The following UGT1A9 variants were observed in gnomAD, a reference collection of about 807,000 sequenced individuals.
The protein encoded by UGT1A9 is UDP glucuronosyltransferase family 1 member A9, also known as UDP-glucuronosyltransferase 1A9.
Under a neutral mutation model 45.0 loss-of-function variants are expected in UGT1A9, and 35 were observed. That is an observed-to-expected ratio of 0.78 (90% CI 0.59 to 1.03). UGT1A9 has a LOEUF of 1.03. Among genes scored for constraint, UGT1A9 ranks in the 50% least tolerant of loss-of-function variants. UGT1A9 has a pLI of 0.00. For missense variants in UGT1A9, 687 were observed against 666.6 expected (o/e 1.03, Z -0.34); for synonymous variants, 278 against 250.6 (o/e 1.11, Z -1.03).
intron 1 of UGT1A9, chr2:233,718,637 T>C (rs2125661399): frequency 6.9e-7 from 1 of 1,451,650 alleles, no homozygotes; most frequent in Non-Finnish European, 9.3e-7. Context: ...TTTCCCAGGG[T>C]TGGGCCCATA....
At chr2:233,690,775 A>G in intron 1 of UGT1A9, 2 of 1,056,268 alleles carry the variant, frequency 1.9e-6, no homozygotes, top group South Asian at 3.6e-5. Context: ...ACACACACAC[A>G]TACACACACA....
At chr2:233,766,983 C>T (rs1040066735) in intron 1 of UGT1A9, 51 bp from the exon 2 acceptor site, 20 of 1,612,672 alleles carry the variant, frequency 1.2e-5, no homozygotes, top group Non-Finnish European at 1.7e-5. Flanking sequence ...TGTATGTAGT[C>T]ATCAAAGAAT....
chr2:233,744,546 A>G (rs6741669), intron 1 of UGT1A9, among the ~76,000 whole-genome samples: 82,767 of 151,282 alleles, frequency 0.55, 24,843 homozygotes, highest in African/African-American at 0.8. Flanking sequence ...AAATTTTATT[A>G]AGACAAAATG....
intron 1 of UGT1A9, chr2:233,693,295 T>A (rs149122547): frequency 1.1e-4 from 175 of 1,614,020 alleles, no homozygotes; most frequent in Non-Finnish European, 1.4e-4. Context: ...TTGGAAACAA[T>A]CACTTTGCTG....
rs2075671256 is a variant in UGT1A9 at position 233,702,138 on chromosome 2, A to T, written c.855+29349A>T. Reference sequence around the variant, plus strand: ...CTTAGAACATTTTCAGTCACTCCCAAAGATACCTTATATCTATTATCAGTC... The same window carrying T: ...CTTAGAACATTTTCAGTCACTCCCATAGATACCTTATATCTATTATCAGTC... On this transcript the variant is annotated intron_variant, in intron 1 of 4. Transcript: ENST00000354728. Among the ~76,000 whole-genome samples the T allele has an allele frequency of 2.0e-5, 3 of 152,126 alleles. No homozygotes were observed. In the South Asian group the frequency reaches 6.2e-4, roughly 32 times the overall value.
rs1475606426 is a variant in UGT1A9 at position 233,690,499 on chromosome 2, CAG to C, written c.855+17714_855+17715del. 4 of 1,289,698 alleles carry C rather than the reference CAG, an allele frequency of 3.1e-6. No individual in the cohort carries two copies. The Admixed American group carries it at 9.2e-5, about 30-fold the overall frequency. The allele number at this position is 1,289,698 out of a possible 1,614,324, so 79.9% of individuals were successfully genotyped here. A position where few individuals can be genotyped will look rare whatever the true frequency, so the allele number is the denominator to read the frequency against. ...TTTTTGGGAAATCTGCTCTTGCCAA[CAG>C]AGATTTGTTTTATCTTAGGATCTAC... On this transcript the variant is annotated intron_variant, in intron 1 of 4. Transcript: ENST00000354728.
intron 1 of UGT1A9, among the ~76,000 whole-genome samples, chr2:233,748,278 A>T (rs1303548000): frequency 2.6e-5 from 4 of 151,752 alleles, no homozygotes; most frequent in Non-Finnish European, 5.9e-5. Flanking sequence ...TGAGAGGAAG[A>T]AGAGGCAGAC....
chr2:233,767,182 C>T lies in UGT1A9; in HGVS notation c.987+17C>T. The T allele has an allele frequency of 6.2e-7, 1 of 1,613,942 alleles. No individual in the cohort carries two copies. The highest frequency in any genetic ancestry group is 8.5e-7 in the Non-Finnish European group (1 of 1,179,982). On this transcript the variant is annotated intron_variant, in intron 2 of 4. Coordinates refer to ENST00000354728, the MANE Select transcript of UGT1A9 (RefSeq NM_021027.3). ...CCTCAGACAGTAAGAAGATTCTATACCATGGCCTCATATCTATTTTCACAG... is the reference window on the plus strand; with the variant it reads ...CCTCAGACAGTAAGAAGATTCTATATCATGGCCTCATATCTATTTTCACAG...
intron 1 of UGT1A9, among the ~76,000 whole-genome samples, chr2:233,681,171 AC>A (rs1050610382): frequency 2.6e-5 from 4 of 151,664 alleles, no homozygotes; most frequent in Non-Finnish European, 5.9e-5. Context: ...CAACGCTAAG[AC>A]CCTTGCTCTC....
intron 1 of UGT1A9, chr2:233,691,437 T>C (rs1475657913): frequency 1.0e-6 from 1 of 985,518 alleles, no homozygotes; most frequent in Non-Finnish European, 1.2e-6. Flanking sequence ...TTGCTCAGGC[T>C]TCTTCTCCCT....
chr2:233,682,650 C>G (rs1374491792), intron 1 of UGT1A9: 1 of 1,613,938 alleles, frequency 6.2e-7, no homozygotes, highest in Admixed American at 1.7e-5. Flanking sequence ...CTCCAAACCC[C>G]TGTCACGGCA....
intron 1 of UGT1A9, chr2:233,729,826 C>T (rs1653998510): frequency 6.2e-7 from 1 of 1,613,940 alleles, no homozygotes; most frequent in Non-Finnish European, 8.5e-7. Flanking sequence ...TTATGCAAGC[C>T]TTGCCTCTGA....
At chr2:233,729,952 A>T in intron 1 of UGT1A9, 1 of 1,614,072 alleles carries the variant, frequency 6.2e-7, no homozygotes, top group South Asian at 1.1e-5. Context: ...CATGGTCTTC[A>T]TTGGGGGCAT....
Position 233,769,646 on chromosome 2 carries a change from C to T in UGT1A9, c.1295+1207C>T, listed in dbSNP as rs1053692486. 2 of 1,608,424 alleles carry T rather than the reference C, an allele frequency of 1.2e-6. No individual in the cohort carries two copies. Among genetic ancestry groups the T allele is most frequent in the Non-Finnish European group, 1.7e-6 (2 of 1,177,716 alleles). On this transcript the variant is annotated intron_variant, in intron 4 of 4. Transcript: ENST00000354728. The surrounding 1 kb of genome is among the most constrained non-coding windows in gnomAD (Gnocchi z 4.4). ...AGGGACAACAGGGGAGGACTGATGA[C>T]TGACTTCCCACCTTTGAGGTGCTAA...
chr2:233,753,997 G>A (rs1199006264), intron 1 of UGT1A9, among the ~76,000 whole-genome samples: 1 of 152,188 alleles, frequency 6.6e-6, no homozygotes, highest in East Asian at 1.9e-4. Flanking sequence ...CCAAGTTTGG[G>A]TAATTTGTTA....
At chr2:233,716,874 C>T (rs146573773) in intron 1 of UGT1A9, among the ~76,000 whole-genome samples, 54 of 152,252 alleles carry the variant, frequency 3.5e-4, no homozygotes, top group Admixed American at 8.5e-4. Context: ...CCAAGTCTAT[C>T]TGTGCAGCCC....
At chr2:233,704,861 C>T (rs1011021792) in intron 1 of UGT1A9, among the ~76,000 whole-genome samples, 8 of 152,100 alleles carry the variant, frequency 5.3e-5, no homozygotes, top group East Asian at 1.9e-4. Flanking sequence ...GGGCCGGGCA[C>T]GGTGGCTCAC....
In UGT1A9 at chr2:233,699,737, A is replaced by G. The variant is rs28898584; in HGVS notation, c.855+26948A>G. Among the ~76,000 whole-genome samples, 1,362 of 152,336 alleles carry G rather than the reference A, an allele frequency of 8.9e-3. 31 individuals carry two copies. The highest frequency in any genetic ancestry group is 0.031 in the African/African-American group (1,271 of 41,572). ...AGCATTTTTTACGGAGCGTTTTCCC[A>G]GAAAACTAGACCCCAGTTCCTCAGG... On this transcript the variant is annotated intron_variant, in intron 1 of 4. Coordinates refer to ENST00000354728, the MANE Select transcript of UGT1A9 (RefSeq NM_021027.3).
Position 233,766,262 on chromosome 2 carries a change from C to T in UGT1A9, c.856-772C>T, listed in dbSNP as rs34353734. On this transcript the variant is annotated intron_variant, in intron 1 of 4. Coordinates refer to ENST00000354728, the MANE Select transcript of UGT1A9 (RefSeq NM_021027.3). ...CCCCTGGAGTCAGACCGCTCAGTGG[C>T]CCGGGCTCGGTGGCCCGGGCTCGGT... is the stretch of plus-strand genomic sequence containing the variant. Among the ~76,000 whole-genome samples, 215 of 68,078 alleles carry T rather than the reference C, an allele frequency of 3.2e-3. 2 individuals carry two copies. Among genetic ancestry groups the T allele is most frequent in the African/African-American group, 0.015 (204 of 13,924 alleles). 44.7% of individuals were successfully genotyped at this position (68,078 alleles called of 152,430 possible).
Sources: allele counts gnomAD v4.1 joint callset (sites outside exome capture counted in the v4.1 genomes callset), GRCh38; gene constraint gnomAD v4.1.1; non-coding constraint Gnocchi (gnomAD v3.1); transcripts MANE v1.5; gene names NCBI Gene and HGNC (gene_info 2026-07-23, HGNC 2026-07-21).